Variants in SYTL2 observed in about 807,000 individuals in gnomAD.
SYTL2 encodes synaptotagmin-like protein 2.
SYTL2 carries 165 observed loss-of-function variants against 198.7 expected under a neutral mutation model. The observed-to-expected ratio is 0.83, with a 90% CI of 0.73 to 0.94. The LOEUF (loss-of-function observed/expected upper bound fraction) is 0.94, where lower values mean the gene tolerates loss of function less well. Among genes scored for constraint, SYTL2 ranks in the 40% least tolerant of loss-of-function variants. The probability of loss-of-function intolerance (pLI) is 0.00; values close to 1 mark genes in which losing one functional copy is unlikely to be tolerated. For missense variants in SYTL2, 2,835 were observed against 2,582.8 expected, an observed-to-expected ratio of 1.10 and a Z score of -2.12; for synonymous variants, 966 against 917.7, an observed-to-expected ratio of 1.05 and a Z score of -0.95.
intron 14 of SYTL2, 88 bp downstream of exon 14, chr11:85,709,243 C>T: frequency 7.6e-7 from 1 of 1,315,556 alleles, no homozygotes; most frequent in South Asian, 1.3e-5. Context: ...TACCCTCCCT[C>T]CTCTTGATTA....
intron 1 of SYTL2, among the ~76,000 whole-genome samples, chr11:85,802,714 G>A (rs1187433537): frequency 6.6e-6 from 1 of 152,176 alleles, no homozygotes; most frequent in African/African-American, 2.4e-5. Flanking sequence ...GACATTTATT[G>A]AATAGTGACT....
chr11:85,724,375 G>T lies in SYTL2; in HGVS notation c.4983C>A (p.Ile1661=). ...DFCGSRSGVE[I]PRTPQLYVAH... ...CCACATAAAGTTGTGGGGTTCTAGGGATCTCAACTCCACTTCTGGAACCAC... is the reference window on the plus strand; with the variant it reads ...CCACATAAAGTTGTGGGGTTCTAGGTATCTCAACTCCACTTCTGGAACCAC... The change falls in exon 8 of 20, where the codon ATC becomes ATA. Residue 1661 remains isoleucine (I), a synonymous_variant. Transcript: ENST00000359152. The T allele has an allele frequency of 6.3e-7, 1 of 1,592,622 alleles. No individual in the cohort carries two copies. The highest frequency in any genetic ancestry group is 8.5e-7 in the Non-Finnish European group (1 of 1,171,228).
the SYTL2 span, among the ~76,000 whole-genome samples, chr11:85,828,133 A>C: frequency 1.3e-5 from 2 of 152,172 alleles, no homozygotes; most frequent in East Asian, 3.9e-4. Flanking sequence ...CTGATGGCAA[A>C]ATACAGCCAT....
chr11:85,725,724 T>A lies in SYTL2; in HGVS notation c.3634A>T (p.Ser1212Cys). ...GCTTCCTTCAGGAGTTTGTCTAGACTAGCAGTCAAAGAGTTCCGTTTAACC... is the reference window on the plus strand; with the variant it reads ...GCTTCCTTCAGGAGTTTGTCTAGACAAGCAGTCAAAGAGTTCCGTTTAACC... ...PKVKRNSLTA[S>C]LDKLLKEATG... Residue 1212 changes from serine to cysteine, a missense_variant, in exon 8 of 20, where the codon AGT (serine) becomes TGT (cysteine). Transcript: ENST00000359152. The A allele has an allele frequency of 1.2e-6, 2 of 1,613,688 alleles. No individual in the cohort carries two copies. The highest frequency in any genetic ancestry group is 8.5e-7 in the Non-Finnish European group (1 of 1,179,592).
chr11:85,833,509 C>T, the SYTL2 span, among the ~76,000 whole-genome samples: 10 of 150,670 alleles, frequency 6.6e-5, no homozygotes, highest in East Asian at 9.8e-4. Flanking sequence ...AGACTAATAA[C>T]GGGAAAGCCA....
At position 85,727,259 on chromosome 11, in the gene SYTL2, A is replaced by C; in HGVS notation, c.2099T>G (p.Phe700Cys). ...IGNLGEEEPKFHAHEENRGHS... is the reference protein window; with the variant it reads ...IGNLGEEEPKCHAHEENRGHS... ...TCCTCTATTTTCTTCATGAGCATGA[A>C]ACTTGGGTTCTTCTTCACCCAAGTT... The change falls in exon 8 of 20, where the codon TTT becomes TGT. Residue 700 changes from phenylalanine to cysteine, a missense_variant. This residue lies in a region of SYTL2 where 2,645 missense variants were observed against 2,381.7 expected (regional missense o/e 1.11). Transcript: ENST00000359152. 6.5e-7 allele frequency: 1 copy of C among 1,535,284 alleles called. No individual in the cohort carries two copies. The highest frequency in any genetic ancestry group is 8.7e-7 in the Non-Finnish European group (1 of 1,146,712).
At chr11:85,770,984 A>G (rs1308747965) in intron 1 of SYTL2, among the ~76,000 whole-genome samples, 1 of 152,254 alleles carries the variant, frequency 6.6e-6, no homozygotes, top group African/African-American at 2.4e-5. Flanking sequence ...AATGGGCATC[A>G]TACCTATCTT....
At chr11:85,728,050 A>T in intron 7 of SYTL2, 83 bp from the exon 8 acceptor site, 2 of 1,272,514 alleles carry the variant, frequency 1.6e-6, no homozygotes, top group Non-Finnish European at 2.1e-6. Flanking sequence ...TCTTTATAAA[A>T]GCACTTTGTA....
In SYTL2 at chr11:85,726,356, TC is replaced by T. The variant is rs751083093; in HGVS notation, c.3001del (p.Asp1001ThrfsTer40). ...TTGGCTTGTGGTGGTAATATTCTTGTCATTATCCTTACTGTTTGAATTAGCT... is the reference window on the plus strand; with the variant it reads ...TTGGCTTGTGGTGGTAATATTCTTGTATTATCCTTACTGTTTGAATTAGCT... ...LEANSNSKDN[D>X]KNITTTSQKN... On this transcript the variant is annotated frameshift_variant, in exon 8 of 20. Transcript: ENST00000359152. LOFTEE classifies it high-confidence loss of function. 3 of 1,614,032 alleles carry T rather than the reference TC, an allele frequency of 1.9e-6. No individual in the cohort carries two copies. The highest frequency in any genetic ancestry group is 2.5e-6 in the Non-Finnish European group (3 of 1,179,976).
intron 1 of SYTL2, among the ~76,000 whole-genome samples, chr11:85,801,831 T>G (rs1371983858): frequency 6.6e-6 from 1 of 151,898 alleles, no homozygotes; most frequent in East Asian, 1.9e-4. Flanking sequence ...TCTTTTTTTT[T>G]TTTTTTTCAG....
chr11:85,737,713 TTATGCC>T (rs2090463431), intron 4 of SYTL2, 57 bp from the exon 5 acceptor site: 2 of 1,450,182 alleles, frequency 1.4e-6, no homozygotes, highest in Admixed American at 1.7e-5. Context: ...GAATCATAAA[TTATGCC>T]TCTGAAGTGG....
At chr11:85,810,371 G>A (rs2093015694) in intron 1 of SYTL2, among the ~76,000 whole-genome samples, 4 of 152,092 alleles carry the variant, frequency 2.6e-5, no homozygotes, top group Admixed American at 2.6e-4. Context: ...TATGCTGGTG[G>A]AGCCCTGTGT....
At chr11:85,845,220 C>A in the SYTL2 span, among the ~76,000 whole-genome samples, 1 of 152,136 alleles carries the variant, frequency 6.6e-6, no homozygotes. Flanking sequence ...TTTATAATTG[C>A]AGAATAACTT....
chr11:85,831,256 G>A, the SYTL2 span, among the ~76,000 whole-genome samples: 1 of 152,072 alleles, frequency 6.6e-6, no homozygotes, highest in Admixed American at 6.6e-5. Context: ...AAAAGAAACT[G>A]GCATTATGCA....
chr11:85,789,384 A>ATATATATATATATATATATAAG (rs2092697382), intron 1 of SYTL2, among the ~76,000 whole-genome samples: 1 of 86,530 alleles, frequency 1.2e-5, no homozygotes, highest in African/African-American at 4.3e-5. Flanking sequence ...ATATGTATAT[A>ATATATATATATATATATATAAG]TATATATATA....
intron 3 of SYTL2, among the ~76,000 whole-genome samples, chr11:85,748,030 A>T (rs1048893950): frequency 6.6e-6 from 1 of 152,202 alleles, no homozygotes; most frequent in Non-Finnish European, 1.5e-5. Flanking sequence ...TATCTATGCT[A>T]CTATAATTCA....
chr11:85,748,934 T>G (rs1423883752), intron 2 of SYTL2, among the ~76,000 whole-genome samples: 2 of 152,164 alleles, frequency 1.3e-5, no homozygotes, highest in African/African-American at 4.8e-5. Context: ...CTTTCCATTT[T>G]GGGTGATATG....
At chr11:85,844,803 C>A in the SYTL2 span, among the ~76,000 whole-genome samples, 24 of 152,190 alleles carry the variant, frequency 1.6e-4, no homozygotes, top group African/African-American at 5.5e-4. Context: ...TGTTCCCAGC[C>A]TCCTCTACAC....
At chr11:85,798,658 G>C (rs1442318696) in intron 1 of SYTL2, among the ~76,000 whole-genome samples, 1 of 152,202 alleles carries the variant, frequency 6.6e-6, no homozygotes, top group Non-Finnish European at 1.5e-5. Context: ...TGCGTGGGGT[G>C]AAGTCTGCAT....
Sources: gnomAD v4.1 joint callset for allele counts (sites outside exome capture counted in the v4.1 genomes callset) on GRCh38, gnomAD v4.1.1 for gene constraint, gnomAD v4.1.1 regional missense constraint, MANE v1.5 for transcripts, NCBI Gene and HGNC (gene_info 2026-07-23, HGNC 2026-07-21) for gene names.